Variants in GKAP1 observed in about 807,000 individuals in gnomAD.
The protein encoded by GKAP1 is G kinase anchoring protein 1, also known as G kinase-anchoring protein 1.
GKAP1 carries 31 observed loss-of-function variants against 56.7 expected under a neutral mutation model. The ratio of observed to expected loss-of-function variants is 0.55; its 90% confidence interval spans 0.41 to 0.74. The LOEUF is 0.74. GKAP1 is among the 30% of genes least tolerant of loss of function. The pLI, the probability that GKAP1 is intolerant of heterozygous loss-of-function variation, is 0.00. For missense variants in GKAP1, 364 were observed against 402.3 expected, an observed-to-expected ratio of 0.90 and a Z score of 0.82; for synonymous variants, 151 against 138.6, an observed-to-expected ratio of 1.09 and a Z score of -0.63.
chr9:83,753,579 A>G (rs963516399), intron 8 of GKAP1, among the ~76,000 whole-genome samples: 4 of 152,214 alleles, frequency 2.6e-5, no homozygotes, highest in African/African-American at 9.7e-5. Context: ...CTGACAAACA[A>G]TATCAGGGCT....
chr9:83,751,973 C>G (rs981202140), intron 9 of GKAP1, among the ~76,000 whole-genome samples: 1 of 152,090 alleles, frequency 6.6e-6, no homozygotes, highest in Non-Finnish European at 1.5e-5. Flanking sequence ...TAGGTATGTA[C>G]ATACCCAAAA....
chr9:83,811,227 T>C (rs1349869321), intron 2 of GKAP1, among the ~76,000 whole-genome samples: 1 of 152,246 alleles, frequency 6.6e-6, no homozygotes, highest in Admixed American at 6.5e-5. Flanking sequence ...AAAAGTGTTT[T>C]GAAACTTTAT....
intron 2 of GKAP1, among the ~76,000 whole-genome samples, chr9:83,808,753 T>A (rs1587743780): frequency 1.3e-5 from 2 of 152,224 alleles, no homozygotes; most frequent in East Asian, 3.8e-4. Flanking sequence ...ATATTCACTG[T>A]CTCTCCCTGA....
intron 6 of GKAP1, among the ~76,000 whole-genome samples, chr9:83,782,094 G>A (rs1053158176): frequency 6.6e-5 from 10 of 151,666 alleles, no homozygotes; most frequent in Admixed American, 2.6e-4. Flanking sequence ...CGCCCACCTC[G>A]GCCTCCCAAA....
intron 3 of GKAP1, among the ~76,000 whole-genome samples, chr9:83,802,002 C>A (rs1944338791): frequency 6.6e-6 from 1 of 152,092 alleles, no homozygotes; most frequent in South Asian, 2.1e-4. Context: ...AAACACTATT[C>A]TTTCATTAAA....
intron 2 of GKAP1, among the ~76,000 whole-genome samples, chr9:83,812,242 T>C (rs185194833): frequency 1.3e-5 from 2 of 148,790 alleles, no homozygotes. Flanking sequence ...TATACATATA[T>C]ACGTATATAT....
At chr9:83,804,593 C>T (rs1285423405) in intron 3 of GKAP1, among the ~76,000 whole-genome samples, 8 of 128,382 alleles carry the variant, frequency 6.2e-5, no homozygotes, top group Middle Eastern at 5.0e-3. Flanking sequence ...GCCCCCGGCC[C>T]GGCCAGCCGC....
intron 2 of GKAP1, among the ~76,000 whole-genome samples, chr9:83,813,470 G>C (rs1944539896): frequency 6.6e-6 from 1 of 152,068 alleles, no homozygotes. Flanking sequence ...ATAATTTCAA[G>C]GATATCTGGG....
At chr9:83,812,815 C>T (rs1944530426) in intron 2 of GKAP1, among the ~76,000 whole-genome samples, 1 of 152,106 alleles carries the variant, frequency 6.6e-6, no homozygotes, top group African/African-American at 2.4e-5. Flanking sequence ...CAATGAGACG[C>T]CTTTGGCCAT....
At chr9:83,806,641 GATAAA>G (rs1186410727) in intron 2 of GKAP1, 81 bp from the exon 3 acceptor site, 7 of 764,606 alleles carry the variant, frequency 9.2e-6, no homozygotes, top group South Asian at 2.0e-5. Flanking sequence ...ACCATATGTA[GATAAA>G]ATAAATTTCT....
intron 4 of GKAP1, 35 bp from the exon 5 acceptor site, chr9:83,788,713 A>AT (rs1226951758): frequency 7.8e-7 from 1 of 1,287,234 alleles, no homozygotes; most frequent in Admixed American, 1.7e-5. Flanking sequence ...AACAGACAGT[A>AT]TCATTACATC....
intron 2 of GKAP1, among the ~76,000 whole-genome samples, chr9:83,810,083 A>G (rs1944487321): frequency 6.6e-6 from 1 of 152,192 alleles, no homozygotes; most frequent in Non-Finnish European, 1.5e-5. Flanking sequence ...AAGTGCTGGG[A>G]TTACAGGCAT....
At chr9:83,762,134 A>G (rs749167992) in intron 8 of GKAP1, among the ~76,000 whole-genome samples, 3 of 152,190 alleles carry the variant, frequency 2.0e-5, no homozygotes, top group Non-Finnish European at 4.4e-5. Flanking sequence ...TGCAGATGGT[A>G]TCACTTTATA....
chr9:83,760,238 T>C (rs1011583218), intron 8 of GKAP1, among the ~76,000 whole-genome samples: 1 of 151,948 alleles, frequency 6.6e-6, no homozygotes. Flanking sequence ...TCAGACAAAA[T>C]AGATTTCAAG....
chr9:83,793,342 C>A (rs1196643355), intron 4 of GKAP1, among the ~76,000 whole-genome samples: 2 of 152,164 alleles, frequency 1.3e-5, no homozygotes, highest in Admixed American at 6.5e-5. Flanking sequence ...ATAGTGGTCC[C>A]CTAACCCATT....
At chr9:83,803,259 G>A (rs902424517) in intron 3 of GKAP1, among the ~76,000 whole-genome samples, 2 of 118,928 alleles carry the variant, frequency 1.7e-5, no homozygotes, top group African/African-American at 2.8e-5. Context: ...TCTCCCTCTC[G>A]GTCTCCCTCT....
chr9:83,746,488 G>A (rs910384705), intron 10 of GKAP1, among the ~76,000 whole-genome samples: 4 of 152,072 alleles, frequency 2.6e-5, no homozygotes, highest in Non-Finnish European at 5.9e-5. Flanking sequence ...GGATCACGAG[G>A]TCAGGAGATA....
chr9:83,788,595 A>C lies in GKAP1; in HGVS notation c.438+6T>G, dbSNP rs1355051477. 1 of 1,493,994 alleles carries C rather than the reference A, an allele frequency of 6.7e-7. No homozygotes were observed. Among genetic ancestry groups the C allele is most frequent in the African/African-American group, 1.4e-5 (1 of 72,322 alleles). The allele number at this position is 1,493,994 out of a possible 1,614,324, so 92.5% of individuals were successfully genotyped here. On this transcript the variant is annotated splice_donor_region_variant and intron_variant, in intron 5 of 12. Coordinates refer to ENST00000376371, the MANE Select transcript of GKAP1 (RefSeq NM_025211.4). ...AAAATATCTAAATCAGTAAGTATGT[A>C]AATACCTTTTTGTGCTCTTCATATT...
At chr9:83,789,447 T>C (rs973176137) in intron 4 of GKAP1, among the ~76,000 whole-genome samples, 1 of 152,190 alleles carries the variant, frequency 6.6e-6, no homozygotes, top group Non-Finnish European at 1.5e-5. Flanking sequence ...GTATATAAGA[T>C]AGCTGCAACA....
Sources: gnomAD v4.1 joint callset for allele counts (sites outside exome capture counted in the v4.1 genomes callset) on GRCh38, gnomAD v4.1.1 for gene constraint, MANE v1.5 for transcripts, NCBI Gene and HGNC (gene_info 2026-07-23, HGNC 2026-07-21) for gene names.